DDI2: variants seen among roughly 807,000 people sequenced by gnomAD.
DDI2 encodes the protein DDI proteasomal shuttling factor 2.
Under a neutral mutation model 48.1 loss-of-function variants are expected in DDI2, and 5 were observed. The observed-to-expected ratio is 0.10, with a 90% confidence interval of 0.05 to 0.22. The LOEUF is 0.22. Ranked by LOEUF, DDI2 falls within the 10% of genes least tolerant of loss-of-function variation. The probability of loss-of-function intolerance (pLI) is 1.00; values close to 1 mark genes in which losing one functional copy is unlikely to be tolerated. For missense variants in DDI2, 285 were observed against 506.2 expected (o/e 0.56, Z 4.19); for synonymous variants, 205 against 183.6 (o/e 1.12, Z -0.94).
At chr1:15,632,912 CTT>C (rs1222613153) in intron 3 of DDI2, among the ~76,000 whole-genome samples, 1 of 99,916 alleles carries the variant, frequency 1.0e-5, no homozygotes, top group African/African-American at 4.2e-5. Flanking sequence ...TTTGCAAATA[CTT>C]TTTTTTTTTT....
At chr1:15,637,384 T>C (rs199516926) in intron 4 of DDI2, among the ~76,000 whole-genome samples, 2 of 152,134 alleles carry the variant, frequency 1.3e-5, no homozygotes, top group East Asian at 3.8e-4. Flanking sequence ...ATGTTGATTT[T>C]TTTTGTTTTT....
intron 7 of DDI2, 120 bp downstream of exon 7, chr1:15,649,943 A>G: frequency 4.4e-6 from 4 of 900,946 alleles, no homozygotes; most frequent in Non-Finnish European, 4.9e-6. Context: ...TCAAACCTGG[A>G]AATGTCCTTA....
chr1:15,637,857 T>C (rs1164209910), intron 4 of DDI2, among the ~76,000 whole-genome samples: 1 of 152,168 alleles, frequency 6.6e-6, no homozygotes, highest in Non-Finnish European at 1.5e-5. Context: ...AACCCAGTCC[T>C]GGAGATGAAG....
intron 1 of DDI2, among the ~76,000 whole-genome samples, chr1:15,625,770 C>T (rs1019960017): frequency 1.3e-5 from 2 of 152,154 alleles, no homozygotes; most frequent in Non-Finnish European, 2.9e-5. Context: ...AGGCACGTGC[C>T]ACGACACTGG....
At chr1:15,645,898 A>G (rs1640083458) in intron 6 of DDI2, among the ~76,000 whole-genome samples, 1 of 151,788 alleles carries the variant, frequency 6.6e-6, no homozygotes, top group African/African-American at 2.4e-5. Context: ...TGGGCCACCA[A>G]AAGGCTTGTT....
chr1:15,635,587 TAA>T (rs1187453785), intron 4 of DDI2, among the ~76,000 whole-genome samples: 6 of 152,188 alleles, frequency 3.9e-5, no homozygotes, highest in African/African-American at 1.4e-4. Flanking sequence ...GTATTTTTAG[TAA>T]AGATGGGGTT....
intron 8 of DDI2, 142 bp from the exon 9 acceptor site, chr1:15,656,475 C>CA: frequency 6.4e-7 from 1 of 1,550,488 alleles, no homozygotes; most frequent in Non-Finnish European, 8.7e-7. Context: ...TTTGGATGTC[C>CA]AAACTACAGA....
intron 7 of DDI2, among the ~76,000 whole-genome samples, chr1:15,651,437 G>A (rs997036750): frequency 6.6e-6 from 1 of 152,128 alleles, no homozygotes; most frequent in African/African-American, 2.4e-5. Context: ...TCCTGCCTCA[G>A]CCTCCCAAGT....
rs1290203660 is a variant in DDI2, at chr1:15,661,782, A to G, written c.*1992A>G. On this transcript the variant is annotated 3_prime_UTR_variant, in exon 10 of 10. Coordinates refer to ENST00000480945, the MANE Select transcript of DDI2 (RefSeq NM_032341.5). ...CTTTAAACAAAAGAAAGCTCTCTCT[A>G]TATACACGCACACATACACACTCAC... 7 of 1,523,718 alleles carry G rather than the reference A, an allele frequency of 4.6e-6. No homozygotes were observed. The highest frequency in any genetic ancestry group is 2.6e-5 in the South Asian group (2 of 75,800). 94.4% of individuals were successfully genotyped at this position (1,523,718 alleles called of 1,614,324 possible).
chr1:15,647,348 A>G (rs1014132965), intron 6 of DDI2, among the ~76,000 whole-genome samples: 1 of 152,024 alleles, frequency 6.6e-6, no homozygotes, highest in African/African-American at 2.4e-5. Flanking sequence ...GGGTTTCACC[A>G]TGTTGCCCAG....
intron 5 of DDI2, among the ~76,000 whole-genome samples, chr1:15,639,096 G>A (rs1639968830): frequency 6.6e-6 from 1 of 152,160 alleles, no homozygotes; most frequent in Admixed American, 6.6e-5. Flanking sequence ...TTTGGGAGGA[G>A]TGTAAGGCTA....
Position 15,667,870 on chromosome 1 carries a change from T to TA in DDI2, c.*8081dup, listed in dbSNP as rs1324402192. 1.3e-5 allele frequency: 2 copies of TA among 152,164 alleles called. No individual in the cohort carries two copies. The highest frequency in any genetic ancestry group is 4.8e-5 in the African/African-American group (2 of 41,438). The allele number at this position is 152,164 out of a possible 1,614,324, so 9.4% of individuals were successfully genotyped here. On this transcript the variant is annotated 3_prime_UTR_variant, in exon 10 of 10. Coordinates refer to ENST00000480945, the MANE Select transcript of DDI2 (RefSeq NM_032341.5). Reference sequence around the variant, plus strand: ...CTGGAGGCTGTAGAATGTGAAAAGATACAGCTGAGCTGACAAGTTTTAGGG... The same window carrying TA: ...CTGGAGGCTGTAGAATGTGAAAAGATAACAGCTGAGCTGACAAGTTTTAGGG...
At chr1:15,644,962 T>C (rs1640066978) in intron 6 of DDI2, among the ~76,000 whole-genome samples, 1 of 152,062 alleles carries the variant, frequency 6.6e-6, no homozygotes, top group African/African-American at 2.4e-5. Flanking sequence ...CGATCTCAGC[T>C]CACTGCAACC....
chr1:15,635,428 C>T (rs1203347127), intron 4 of DDI2, among the ~76,000 whole-genome samples: 2 of 152,156 alleles, frequency 1.3e-5, no homozygotes, highest in South Asian at 2.1e-4. Flanking sequence ...AGGCCCAAGA[C>T]GGAGTCTTGC....
chr1:15,635,597 GT>G (rs1639915985), intron 4 of DDI2, among the ~76,000 whole-genome samples: 1 of 152,134 alleles, frequency 6.6e-6, no homozygotes. Flanking sequence ...TAAAGATGGG[GT>G]TTCACCATCT....
chr1:15,630,278 G>A (rs777823398), intron 2 of DDI2, 47 bp from the exon 3 acceptor site: 1 of 1,589,454 alleles, frequency 6.3e-7, no homozygotes. Context: ...TCAAGTGCTT[G>A]TTTTTGTAGA....
chr1:15,626,330 G>A lies in DDI2; in HGVS notation c.139-339G>A, dbSNP rs553535709. Among the ~76,000 whole-genome samples, 4 of 152,226 alleles carry A rather than the reference G, an allele frequency of 2.6e-5. No individual in the cohort carries two copies. The South Asian group carries it at 8.3e-4, about 32-fold the overall frequency. Reference sequence around the variant, plus strand: ...ACATAGTAGGGAAGAACTCTAAAGAGTAATGTTTGATCAGAGACGTAAAAG... The same window carrying A: ...ACATAGTAGGGAAGAACTCTAAAGAATAATGTTTGATCAGAGACGTAAAAG... On this transcript the variant is annotated intron_variant, in intron 1 of 9. Transcript: ENST00000480945.
At position 15,659,957 on chromosome 1, in the gene DDI2, C is replaced by A; in HGVS notation, c.*167C>A. The stretch of plus-strand genomic sequence containing the variant: ...GATGTTGGTAATCCTATGAGTCTTG[C>A]TCGCTCTGTCTCTGCTTCAGTCTGC... On this transcript the variant is annotated 3_prime_UTR_variant, in exon 10 of 10. Transcript: ENST00000480945. The A allele has an allele frequency of 1.2e-6, 2 of 1,614,200 alleles. No individual in the cohort carries two copies. Among genetic ancestry groups the A allele is most frequent in the Non-Finnish European group, 1.7e-6 (2 of 1,180,028 alleles).
At position 15,662,911 on chromosome 1, in the gene DDI2, T is replaced by C. The variant is rs955546882; in HGVS notation, c.*3121T>C. The C allele has an allele frequency of 6.6e-6, 1 of 152,214 alleles. No individual in the cohort carries two copies. The highest frequency in any genetic ancestry group is 1.5e-5 in the Non-Finnish European group (1 of 68,036). The allele number at this position is 152,214 out of a possible 1,614,324, so 9.4% of individuals were successfully genotyped here. A position where few individuals can be genotyped will look rare whatever the true frequency, so the allele number is the denominator to read the frequency against. On this transcript the variant is annotated 3_prime_UTR_variant, in exon 10 of 10. Coordinates refer to ENST00000480945, the MANE Select transcript of DDI2 (RefSeq NM_032341.5). ...CTTTTTTAAGCAAAATTCATCTTATTTGTGTTTACCATGTCAAGTTAGAGT... is the reference window on the plus strand; with the variant it reads ...CTTTTTTAAGCAAAATTCATCTTATCTGTGTTTACCATGTCAAGTTAGAGT...
Sources: allele counts gnomAD v4.1 joint callset (sites outside exome capture counted in the v4.1 genomes callset), GRCh38; gene constraint gnomAD v4.1.1; transcripts MANE v1.5; gene names NCBI Gene and HGNC (gene_info 2026-07-23, HGNC 2026-07-21).